KCNJ16: variants seen among roughly 807,000 people sequenced by gnomAD.
KCNJ16 encodes the protein potassium inwardly rectifying channel subfamily J member 16.
In KCNJ16, 15 loss-of-function variants were observed where a neutral mutation model predicts 18.5. The observed-to-expected ratio is 0.81, with a 90% CI of 0.54 to 1.25. KCNJ16 has a LOEUF of 1.25. Among genes scored for constraint, KCNJ16 ranks in the 50% most tolerant of loss-of-function variants. The pLI is 0.00. For synonymous variants in KCNJ16, 174 were observed against 186.5 expected, an observed-to-expected ratio of 0.93 and a Z score of 0.55; for missense variants, 523 against 525.7, an observed-to-expected ratio of 0.99 and a Z score of 0.05.
intron 2 of KCNJ16, among the ~76,000 whole-genome samples, chr17:70,122,112 T>C (rs2073663284): frequency 6.6e-6 from 1 of 152,288 alleles, no homozygotes; most frequent in South Asian, 2.1e-4. Flanking sequence ...ACTAAAGGGC[T>C]TGCTGGTAGT....
At chr17:70,081,701 T>C (rs1371076145) in intron 1 of KCNJ16, among the ~76,000 whole-genome samples, 2 of 152,148 alleles carry the variant, frequency 1.3e-5, no homozygotes, top group Admixed American at 1.3e-4. Context: ...TAGGGCAGCT[T>C]GTGCAACAGA....
At chr17:70,128,848 A>C (rs1226821472) in intron 2 of KCNJ16, 2 of 152,300 alleles carry the variant, frequency 1.3e-5, no homozygotes, top group African/African-American at 4.8e-5. Context: ...GCCTGGGTAC[A>C]GACGGGCTGA....
chr17:70,098,930 A>G (rs532195042), intron 1 of KCNJ16, among the ~76,000 whole-genome samples: 114 of 152,342 alleles, frequency 7.5e-4, no homozygotes, highest in African/African-American at 2.7e-3. Context: ...TGCCTGAGCC[A>G]GCTCCCACTA....
At chr17:70,101,900 T>C (rs914409822) in intron 2 of KCNJ16, 3 of 152,198 alleles carry the variant, frequency 2.0e-5, no homozygotes, top group African/African-American at 7.2e-5. Flanking sequence ...TTAGTTAACG[T>C]TTACTGAAAA....
intron 2 of KCNJ16, among the ~76,000 whole-genome samples, chr17:70,117,713 CATCT>C (rs1420019690): frequency 1.3e-5 from 2 of 152,074 alleles, no homozygotes; most frequent in Non-Finnish European, 2.9e-5. Context: ...ATTATTTATT[CATCT>C]ATTTCTTCAA....
chr17:70,109,960 C>A (rs1405822996), intron 2 of KCNJ16, among the ~76,000 whole-genome samples: 3 of 152,148 alleles, frequency 2.0e-5, no homozygotes, highest in Non-Finnish European at 2.9e-5. Context: ...GCCATCTGCA[C>A]CTACAATGTC....
In KCNJ16 at chr17:70,126,840, G is replaced by A. The variant is rs16975204; in HGVS notation, c.-190-4039G>A. On this transcript the variant is annotated intron_variant, in intron 2 of 3. Transcript: ENST00000392671. ...CTGACATCCAGAACCATGGAGAAAC[G>A]TAATCCCAGATTCTACATTTCTTCT... Among the ~76,000 whole-genome samples the A allele has an allele frequency of 0.017, 2,527 of 152,244 alleles. 177 individuals are homozygous for A. The East Asian group carries it at 0.18, about 11-fold the overall frequency.
chr17:70,127,697 T>C (rs1429971695), intron 2 of KCNJ16, among the ~76,000 whole-genome samples: 3 of 152,078 alleles, frequency 2.0e-5, no homozygotes, highest in Admixed American at 6.6e-5. Context: ...GCATACAGAA[T>C]TAGGCCATCT....
At chr17:70,108,043 A>C (rs2073012091) in intron 2 of KCNJ16, among the ~76,000 whole-genome samples, 1 of 152,274 alleles carries the variant, frequency 6.6e-6, no homozygotes, top group Admixed American at 6.5e-5. Context: ...CATCCCTGTA[A>C]AATTCATAAG....
chr17:70,101,551 T>C (rs545989337), intron 2 of KCNJ16: 4 of 152,086 alleles, frequency 2.6e-5, no homozygotes, highest in African/African-American at 7.2e-5. Flanking sequence ...TTAATGCTAA[T>C]ATCATTCTTG....
At chr17:70,090,155 G>T (rs1567781018) in intron 1 of KCNJ16, among the ~76,000 whole-genome samples, 1 of 152,208 alleles carries the variant, frequency 6.6e-6, no homozygotes, top group Non-Finnish European at 1.5e-5. Context: ...GGCTGTTTCT[G>T]CTTCTGTCCA....
At chr17:70,090,618 C>G (rs978010801) in intron 1 of KCNJ16, among the ~76,000 whole-genome samples, 2 of 152,012 alleles carry the variant, frequency 1.3e-5, no homozygotes, top group Non-Finnish European at 2.9e-5. Context: ...ATTTATCTAC[C>G]CGGGTTAGCA....
chr17:70,084,909 CTTCTATA>C (rs1480912625), intron 1 of KCNJ16, among the ~76,000 whole-genome samples: 1 of 152,178 alleles, frequency 6.6e-6, no homozygotes, highest in Non-Finnish European at 1.5e-5. Flanking sequence ...TCGGCACCAT[CTTCTATA>C]GATTTTTGTT....
chr17:70,119,935 T>C (rs1205055771), intron 2 of KCNJ16, among the ~76,000 whole-genome samples: 60 of 152,240 alleles, frequency 3.9e-4, no homozygotes, highest in Admixed American at 3.9e-3. Flanking sequence ...GTGGCCAGGC[T>C]GCAAATTTTC....
Position 70,133,081 on chromosome 17 carries a change from G to A in KCNJ16, c.994G>A (p.Val332Met), listed in dbSNP as rs2144313926. The A allele has an allele frequency of 1.2e-6, 2 of 1,614,198 alleles. No homozygotes were observed. Among genetic ancestry groups the A allele is most frequent in the East Asian group, 2.2e-5 (1 of 44,882 alleles). Reference sequence around the variant, plus strand: ...GAACTGCTTACAGTTTGAAGGAAGTGTGGAAGTATATGCCCCCTTTTGCAG... The same window carrying A: ...GAACTGCTTACAGTTTGAAGGAAGTATGGAAGTATATGCCCCCTTTTGCAG... Reference protein sequence around the residue: ...KVNCLQFEGSVEVYAPFCSAK... With the variant: ...KVNCLQFEGSMEVYAPFCSAK... Residue 332 changes from valine to methionine, a missense_variant, in exon 4 of 4, where the codon GTG becomes ATG. Physicochemically the swap from Val to Met is conservative, Grantham distance 21. Transcript: ENST00000392671.
At chr17:70,112,140 G>A (rs16975158) in intron 2 of KCNJ16, among the ~76,000 whole-genome samples, 12,290 of 152,198 alleles carry the variant, frequency 0.081, 1,641 homozygotes, top group African/African-American at 0.28. Flanking sequence ...CCAAGAACCC[G>A]AGAACCAAGT....
rs1028961891 is a variant in KCNJ16 at position 70,133,644 on chromosome 17, G to T, written c.*300G>T. The T allele has an allele frequency of 8.2e-6, 2 of 243,388 alleles. No individual in the cohort carries two copies. The highest frequency in any genetic ancestry group is 5.1e-5 in the Admixed American group (1 of 19,552). The allele number at this position is 243,388 out of a possible 1,614,324, so 15.1% of individuals were successfully genotyped here. ...GTTGGAGGTGTAGTATTCAAAAACG[G>T]GGAATGAAGGCAGGAAGGAGGCTGG... On this transcript the variant is annotated 3_prime_UTR_variant, in exon 4 of 4. Transcript: ENST00000392671.
intron 2 of KCNJ16, among the ~76,000 whole-genome samples, chr17:70,114,575 T>C (rs1216853770): frequency 1.3e-5 from 2 of 152,118 alleles, no homozygotes; most frequent in South Asian, 2.1e-4. Flanking sequence ...AGAAACACCA[T>C]GGAGAGTGTT....
rs759703339 is a variant in KCNJ16 at position 70,132,816 on chromosome 17, C to G, written c.729C>G (p.Asp243Glu). ...MAFKDLKLVNDQIILVTPVTI... is the reference protein window; with the variant it reads ...MAFKDLKLVNEQIILVTPVTI... The stretch of plus-strand genomic sequence containing the variant: ...TTAAAGACCTCAAATTAGTCAACGA[C>G]CAAATCATCCTGGTCACCCCGGTAA... Residue 243 changes from aspartate to glutamate, a missense_variant, in exon 4 of 4, where the codon GAC (aspartate) becomes GAG (glutamate). Asp to Glu is a conservative substitution (Grantham distance 45). Coordinates refer to ENST00000392671, the MANE Select transcript of KCNJ16 (RefSeq NM_170741.4). 13 of 1,613,868 alleles carry G rather than the reference C, an allele frequency of 8.1e-6. No homozygotes were observed. The highest frequency in any genetic ancestry group is 1.1e-5 in the Non-Finnish European group (13 of 1,180,042).
Sources: allele counts gnomAD v4.1 joint callset (sites outside exome capture counted in the v4.1 genomes callset), GRCh38; gene constraint gnomAD v4.1.1; transcripts MANE v1.5; gene names NCBI Gene and HGNC (gene_info 2026-07-23, HGNC 2026-07-21).